ZNF77: variants seen among roughly 807,000 people sequenced by gnomAD.
ZNF77 encodes the protein zinc finger protein 77.
A neutral mutation model predicts 13.5 loss-of-function variants in ZNF77; 15 were observed. That is an observed-to-expected ratio of 1.11 (90% CI 0.74 to 1.71). The LOEUF (loss-of-function observed/expected upper bound fraction) is 1.71. Among genes scored for constraint, ZNF77 ranks in the 40% most tolerant of loss-of-function variants. The probability of loss-of-function intolerance (pLI) is 0.00; values close to 1 mark genes in which losing one functional copy is unlikely to be tolerated. For synonymous variants in ZNF77, 282 were observed against 250.0 expected, an observed-to-expected ratio of 1.13 and a Z score of -1.21; for missense variants, 717 against 676.4, an observed-to-expected ratio of 1.06 and a Z score of -0.67.
chr19:2,938,745 A>G (rs1002802102), intron 2 of ZNF77, among the ~76,000 whole-genome samples: 3 of 152,246 alleles, frequency 2.0e-5, no homozygotes, highest in Middle Eastern at 3.4e-3. Flanking sequence ...TCACGAGGTC[A>G]GGAGATCGAG....
chr19:2,939,460 C>G, intron 1 of ZNF77, 53 bp from the exon 2 acceptor site: 14 of 1,601,032 alleles, frequency 8.7e-6, no homozygotes, highest in Admixed American at 1.7e-5. Context: ...CCCCCATGTG[C>G]GCAGGAAGAG....
In ZNF77 at chr19:2,943,692, A is replaced by ATTTTTTTTTTTTTTTTT. The variant is rs10633206; in HGVS notation, c.3+1129_3+1145dup. Among the ~76,000 whole-genome samples the ATTTTTTTTTTTTTTTTT allele has an allele frequency of 2.6e-3, 200 of 76,724 alleles. 1 individual carries two copies. The highest frequency in any genetic ancestry group is 3.1e-3 in the Non-Finnish European group (137 of 43,758). The allele number at this position is 76,724 out of a possible 152,430, so 50.3% of individuals were successfully genotyped here. ...TTTTCTCTCTCCTTCTCTAGCCAGG[A>ATTTTTTTTTTTTTTTTT]TTTTTTTTTTTTTTTTTTTTTTTGG... is the stretch of plus-strand genomic sequence containing the variant. On this transcript the variant is annotated intron_variant, in intron 1 of 3. Transcript: ENST00000314531.
rs1463989620 is a variant in ZNF77 at position 2,934,748 on chromosome 19, CAG to C, written c.377_378del (p.Thr126SerfsTer14). The C allele has an allele frequency of 2.5e-6, 4 of 1,614,168 alleles. No individual in the cohort carries two copies. The South Asian group carries it at 4.4e-5, about 18-fold the overall frequency. ...GHQCGETLSQTANLLVHKSYP... is the reference protein window; with the variant it reads ...GHQCGETLSQXANLLVHKSYP... The stretch of plus-strand genomic sequence containing the variant: ...TAACTCTTGTGCACAAGAAGGTTCG[CAG>C]TCTGGCTCAAGGTCTCTCCGCATTG... On this transcript the variant is annotated frameshift_variant, in exon 4 of 4. Transcript: ENST00000314531. LOFTEE classifies it low-confidence loss of function (END_TRUNC).
chr19:2,939,445 C>T (rs1463786824), intron 1 of ZNF77, 38 bp from the exon 2 acceptor site: 8 of 1,608,290 alleles, frequency 5.0e-6, no homozygotes, highest in East Asian at 2.2e-5. Context: ...GCAAAGGCAC[C>T]GCCTCCCCCA....
rs1453311415 is a variant in ZNF77 at position 2,939,772 on chromosome 19, G to C, written c.4-365C>G. Reference sequence around the variant, plus strand: ...GGATTGCTTAGGGCCAGGAGTTGGCGACCAGCCTGGGCTGCATAGTGAGAT... The same window carrying C: ...GGATTGCTTAGGGCCAGGAGTTGGCCACCAGCCTGGGCTGCATAGTGAGAT... On this transcript the variant is annotated intron_variant, in intron 1 of 3. Coordinates refer to ENST00000314531, the MANE Select transcript of ZNF77 (RefSeq NM_021217.3). 4 of 264,406 alleles carry C rather than the reference G, an allele frequency of 1.5e-5. No individual in the cohort carries two copies. In the South Asian group the frequency reaches 1.7e-4, roughly 11 times the overall value. The allele number at this position is 264,406 out of a possible 1,614,324, so 16.4% of individuals were successfully genotyped here.
intron 1 of ZNF77, among the ~76,000 whole-genome samples, chr19:2,942,379 T>C (rs1224867711): frequency 2.0e-5 from 3 of 148,136 alleles, no homozygotes; most frequent in Non-Finnish European, 3.0e-5. Context: ...TCTTTTTTTT[T>C]TTTTTTTTTT....
At chr19:2,938,849 A>G (rs981600474) in intron 2 of ZNF77, among the ~76,000 whole-genome samples, 2 of 152,052 alleles carry the variant, frequency 1.3e-5, no homozygotes, top group South Asian at 2.1e-4. Context: ...CCAGCTATTC[A>G]GGAGGCTGAG....
At position 2,933,411 on chromosome 19, in the gene ZNF77, C is replaced by A; in HGVS notation, c.*78G>T. On this transcript the variant is annotated 3_prime_UTR_variant, in exon 4 of 4. Coordinates refer to ENST00000314531, the MANE Select transcript of ZNF77 (RefSeq NM_021217.3). ...GCTATACCAGGTTTTCCTACATGCT[C>A]TACATAAATAACGTTTCTCACATTT... 1 of 1,486,618 alleles carries A rather than the reference C, an allele frequency of 6.7e-7. No individual in the cohort carries two copies. The highest frequency in any genetic ancestry group is 8.9e-7 in the Non-Finnish European group (1 of 1,117,646). 92.1% of individuals were successfully genotyped at this position (1,486,618 alleles called of 1,614,324 possible).
intron 2 of ZNF77, 110 bp from the exon 3 acceptor site, chr19:2,936,814 G>A: frequency 1.0e-6 from 1 of 1,001,344 alleles, no homozygotes; most frequent in Non-Finnish European, 1.4e-6. Flanking sequence ...CCGTTTATAA[G>A]GAAGAATAGA....
chr19:2,939,594 G>T, intron 1 of ZNF77, 187 bp from the exon 2 acceptor site: 1 of 699,894 alleles, frequency 1.4e-6, no homozygotes, highest in Non-Finnish European at 2.3e-6. Context: ...AGGGAGCAAA[G>T]CGCAATGACG....
Position 2,934,174 on chromosome 19 carries a change from T to C in ZNF77, c.953A>G (p.His318Arg), listed in dbSNP as rs1322130718. ...ACACTGACAGGGTTTCTCTCCAGTG[T>C]GCGTCCTCACGTGATCTCTAAAGGA... Reference protein sequence around the residue: ...YSSFRDHVRTHTGEKPCQCKH... With the variant: ...YSSFRDHVRTRTGEKPCQCKH... Residue 318 changes from histidine (H) to arginine (R), a missense_variant, in exon 4 of 4, where the codon CAC (histidine) becomes CGC (arginine). By Grantham distance (29) the His-to-Arg change is conservative. Coordinates refer to ENST00000314531, the MANE Select transcript of ZNF77 (RefSeq NM_021217.3). The C allele has an allele frequency of 1.9e-6, 3 of 1,614,114 alleles. No homozygotes were observed. The highest frequency in any genetic ancestry group is 1.7e-5 in the Admixed American group (1 of 60,008).
At chr19:2,941,992 G>A (rs887688984) in intron 1 of ZNF77, among the ~76,000 whole-genome samples, 1 of 152,092 alleles carries the variant, frequency 6.6e-6, no homozygotes, top group African/African-American at 2.4e-5. Context: ...ATAACACCAG[G>A]CAGTGGCAGA....
At chr19:2,943,925 G>C (rs2088473542) in intron 1 of ZNF77, among the ~76,000 whole-genome samples, 1 of 151,814 alleles carries the variant, frequency 6.6e-6, no homozygotes, top group Non-Finnish European at 1.5e-5. Context: ...GTCCAGGCTG[G>C]TCTGGAACTC....
chr19:2,939,558 C>G lies in ZNF77; in HGVS notation c.4-151G>C, dbSNP rs954844546. On this transcript the variant is annotated intron_variant, in intron 1 of 3. Transcript: ENST00000314531. ...CAACAGTATGAAAAAGTGCAGTACACTCAATGCCGTGAGTACCTTCCCAAC... is the reference window on the plus strand; with the variant it reads ...CAACAGTATGAAAAAGTGCAGTACAGTCAATGCCGTGAGTACCTTCCCAAC... The G allele has an allele frequency of 3.7e-6, 4 of 1,076,600 alleles. No homozygotes were observed. In the African/African-American group the frequency reaches 6.3e-5, roughly 17 times the overall value. The allele number at this position is 1,076,600 out of a possible 1,614,324, so 66.7% of individuals were successfully genotyped here.
intron 1 of ZNF77, 102 bp from the exon 2 acceptor site, chr19:2,939,509 G>C: frequency 1.3e-6 from 2 of 1,529,200 alleles, no homozygotes; most frequent in East Asian, 4.5e-5. Flanking sequence ...GCCACACAGA[G>C]CTTATGTCCT....
rs373024650 is a variant in ZNF77 at position 2,934,747 on chromosome 19, G to A, written c.380C>T (p.Ala127Val). The A allele has an allele frequency of 2.2e-5, 35 of 1,613,992 alleles. No homozygotes were observed. Among genetic ancestry groups the A allele is most frequent in the Admixed American group, 3.3e-5 (2 of 59,982 alleles). ...GTAACTCTTGTGCACAAGAAGGTTC[G>A]CAGTCTGGCTCAAGGTCTCTCCGCA... ...HQCGETLSQTANLLVHKSYPT... is the reference protein window; with the variant it reads ...HQCGETLSQTVNLLVHKSYPT... The change falls in exon 4 of 4, where the codon GCG (alanine) becomes GTG (valine). Residue 127 changes from alanine to valine, a missense_variant. Coordinates refer to ENST00000314531, the MANE Select transcript of ZNF77 (RefSeq NM_021217.3).
rs1432963465 is a variant in ZNF77 at position 2,933,295 on chromosome 19, C to A, written c.*194G>T. 2 of 521,982 alleles carry A rather than the reference C, an allele frequency of 3.8e-6. No homozygotes were observed. Among genetic ancestry groups the A allele is most frequent in the African/African-American group, 1.9e-5 (1 of 52,678 alleles). The allele number at this position is 521,982 out of a possible 1,614,324, so 32.3% of individuals were successfully genotyped here. On this transcript the variant is annotated 3_prime_UTR_variant, in exon 4 of 4. Transcript: ENST00000314531. ...CTAGAAATTAATACAAAAGGAATCACTATTAAGGCTGAGGCATGTAAAGGC... is the reference window on the plus strand; with the variant it reads ...CTAGAAATTAATACAAAAGGAATCAATATTAAGGCTGAGGCATGTAAAGGC...
chr19:2,937,785 C>A (rs2088411118), intron 2 of ZNF77, among the ~76,000 whole-genome samples: 1 of 151,752 alleles, frequency 6.6e-6, no homozygotes, highest in African/African-American at 2.4e-5. Context: ...GAGACAGAGT[C>A]TCACACTGTC....
chr19:2,936,788 G>C (rs2088402037), intron 2 of ZNF77, 84 bp from the exon 3 acceptor site: 1 of 1,289,090 alleles, frequency 7.8e-7, no homozygotes, highest in Non-Finnish European at 1.1e-6. Context: ...TTTTCATATA[G>C]TAATCCAAAA....
Sources: gnomAD v4.1 joint callset for allele counts (sites outside exome capture counted in the v4.1 genomes callset) on GRCh38, gnomAD v4.1.1 for gene constraint, MANE v1.5 for transcripts, NCBI Gene and HGNC (gene_info 2026-07-23, HGNC 2026-07-21) for gene names.